Variants in FBLN2 observed in about 807,000 individuals in gnomAD.
FBLN2 encodes fibulin-2.
A neutral mutation model predicts 123.7 loss-of-function variants in FBLN2; 81 were observed. The ratio of observed to expected loss-of-function variants is 0.65; its 90% confidence interval spans 0.55 to 0.79. The LOEUF is 0.79. FBLN2 is among the 30% of genes least tolerant of loss of function. FBLN2 has a pLI of 0.00. For missense variants in FBLN2, 1,603 were observed against 1,681.3 expected, an observed-to-expected ratio of 0.95 and a Z score of 0.81; for synonymous variants, 699 against 701.4, an observed-to-expected ratio of 1.00 and a Z score of 0.05.
At chr3:13,596,726 C>T (rs1184910157) in intron 2 of FBLN2, among the ~76,000 whole-genome samples, 1 of 152,082 alleles carries the variant, frequency 6.6e-6, no homozygotes, top group Non-Finnish European at 1.5e-5. Context: ...ATCCCCACTC[C>T]CAGCCCTTGG....
chr3:13,611,705 C>T (rs998672233), intron 4 of FBLN2, among the ~76,000 whole-genome samples: 1 of 152,198 alleles, frequency 6.6e-6, no homozygotes, highest in Non-Finnish European at 1.5e-5. Flanking sequence ...GTTGCTTCCA[C>T]CTTTTGGCTA....
Position 13,564,714 on chromosome 3 carries a change from C to T in FBLN2, c.-41-5601C>T, listed in dbSNP as rs186412494. Among the ~76,000 whole-genome samples the T allele has an allele frequency of 6.6e-5, 10 of 152,316 alleles. No individual in the cohort carries two copies. The East Asian group carries it at 1.7e-3, about 26-fold the overall frequency. ...TGTGTGCTCACTAAGGTGGGACCCC[C>T]CCACCTTTCCACAGTGGCAGCACTG... On this transcript the variant is annotated intron_variant, in intron 1 of 17. Coordinates refer to ENST00000404922, the MANE Select transcript of FBLN2 (RefSeq NM_001004019.2).
intron 16 of FBLN2, among the ~76,000 whole-genome samples, chr3:13,635,765 G>A (rs1039192392): frequency 6.6e-6 from 1 of 152,156 alleles, no homozygotes; most frequent in Non-Finnish European, 1.5e-5. Flanking sequence ...TGGGCACTGG[G>A]GACAGCATGG....
intron 1 of FBLN2, among the ~76,000 whole-genome samples, chr3:13,561,496 C>A (rs1703605657): frequency 6.6e-6 from 1 of 152,248 alleles, no homozygotes; most frequent in South Asian, 2.1e-4. Flanking sequence ...TCCTTCCCTG[C>A]ATGCCGGCTG....
chr3:13,600,704 C>T (rs1284904587), intron 2 of FBLN2, among the ~76,000 whole-genome samples: 2 of 151,870 alleles, frequency 1.3e-5, no homozygotes, highest in African/African-American at 4.8e-5. Context: ...CAACCTCCGC[C>T]TCACGGGTTC....
chr3:13,592,288 T>C (rs2350311), intron 2 of FBLN2, among the ~76,000 whole-genome samples: 61,530 of 151,830 alleles, frequency 0.41, 15,260 homozygotes, highest in African/African-American at 0.7. Context: ...AGCCTCCCAA[T>C]GTGCTGAGAT....
intron 5 of FBLN2, among the ~76,000 whole-genome samples, chr3:13,616,371 C>T (rs935571427): frequency 1.1e-4 from 16 of 152,180 alleles, no homozygotes; most frequent in Non-Finnish European, 2.1e-4. Context: ...CATGCTTCCT[C>T]CTGTGAGGAA....
intron 1 of FBLN2, among the ~76,000 whole-genome samples, chr3:13,559,342 TG>T (rs1574942466): frequency 1.0e-5 from 1 of 100,408 alleles, no homozygotes; most frequent in East Asian, 3.9e-4. Context: ...ACTATGACCC[TG>T]TTTCTCTTTC....
At position 13,619,737 on chromosome 3, in the gene FBLN2, A is replaced by G. The variant is rs779115485; in HGVS notation, c.2061A>G (p.Gly687=). Residue 687 remains glycine (G), a synonymous_variant, in exon 8 of 18, where the codon GGA becomes GGG. Coordinates refer to ENST00000404922, the MANE Select transcript of FBLN2 (RefSeq NM_001004019.2). ...LPQPNTCKDN[G]PCKQVCSTVG... ...CTGTGTGGTTTCCTCCAGACAATGGACCCTGCAAGCAGGTGTGCAGCACTG... is the reference window on the plus strand; with the variant it reads ...CTGTGTGGTTTCCTCCAGACAATGGGCCCTGCAAGCAGGTGTGCAGCACTG... 22 of 1,613,302 alleles carry G rather than the reference A, an allele frequency of 1.4e-5. No individual in the cohort carries two copies. The Admixed American group carries it at 3.5e-4, about 26-fold the overall frequency.
intron 2 of FBLN2, among the ~76,000 whole-genome samples, chr3:13,586,837 TA>T (rs1704522777): frequency 7.1e-6 from 1 of 140,690 alleles, no homozygotes; most frequent in South Asian, 2.2e-4. Flanking sequence ...AAAAAAGATT[TA>T]AAAGTTAAAA....
chr3:13,561,701 C>G (rs1421413345), intron 1 of FBLN2, among the ~76,000 whole-genome samples: 1 of 152,242 alleles, frequency 6.6e-6, no homozygotes, highest in East Asian at 1.9e-4. Context: ...ACGCCCTTAT[C>G]TCTTCCCCCC....
chr3:13,552,032 T>G (rs1703337433), intron 1 of FBLN2, among the ~76,000 whole-genome samples: 1 of 152,026 alleles, frequency 6.6e-6, no homozygotes, highest in South Asian at 2.1e-4. Context: ...AGAGATGAGG[T>G]CTCACTTTGT....
chr3:13,631,509 T>C, intron 16 of FBLN2, 52 bp downstream of exon 16: 1 of 1,530,792 alleles, frequency 6.5e-7, no homozygotes, highest in Non-Finnish European at 8.8e-7. Flanking sequence ...TTGGGCAGGC[T>C]CCAAGCAGGC....
At position 13,571,193 on chromosome 3, in the gene FBLN2, G is replaced by A. The variant is rs1370596486; in HGVS notation, c.838G>A (p.Glu280Lys). ...ARRVTEDSEE[E>K]EEEEEEREEM... is the part of the protein sequence containing the mutation. ...GAGAGTGACCGAGGACAGTGAGGAG[G>A]AAGAAGAGGAGGAGGAGGAGAGAGA... Residue 280 changes from glutamate (E) to lysine (K), a missense_variant, in exon 2 of 18, where the codon GAA (glutamate) becomes AAA (lysine). Coordinates refer to ENST00000404922, the MANE Select transcript of FBLN2 (RefSeq NM_001004019.2). 1 of 1,569,630 alleles carries A rather than the reference G, an allele frequency of 6.4e-7. No individual in the cohort carries two copies.
intron 2 of FBLN2, among the ~76,000 whole-genome samples, chr3:13,605,748 G>A (rs112083012): frequency 2.2e-3 from 339 of 152,284 alleles, no homozygotes; most frequent in Non-Finnish European, 3.3e-3. Flanking sequence ...TTGATGTTGC[G>A]TGTGCTTAAC....
Position 13,630,011 on chromosome 3 carries a change from A to G in FBLN2, c.2968+66A>G, listed in dbSNP as rs891389595. ...CTGTAGTGGGCAGACCCGCCGTGGAAGGCCCAGAGCCTTCTGTGACCCTTC... is the reference window on the plus strand; with the variant it reads ...CTGTAGTGGGCAGACCCGCCGTGGAGGGCCCAGAGCCTTCTGTGACCCTTC... On this transcript the variant is annotated intron_variant, in intron 14 of 17. Coordinates refer to ENST00000404922, the MANE Select transcript of FBLN2 (RefSeq NM_001004019.2). 4 of 1,588,100 alleles carry G rather than the reference A, an allele frequency of 2.5e-6. No homozygotes were observed. The African/African-American group carries it at 5.4e-5, about 21-fold the overall frequency.
At chr3:13,569,018 C>T in intron 1 of FBLN2, 1 of 985,902 alleles carries the variant, frequency 1.0e-6, no homozygotes, top group Non-Finnish European at 1.2e-6. Flanking sequence ...GCGCTTTAGG[C>T]TGGGAGTCGG....
intron 2 of FBLN2, among the ~76,000 whole-genome samples, chr3:13,599,002 G>A (rs1244872829): frequency 6.6e-6 from 1 of 152,230 alleles, no homozygotes; most frequent in East Asian, 1.9e-4. Context: ...GTGTGCAAAG[G>A]CGTAGAACAA....
At position 13,570,359 on chromosome 3, in the gene FBLN2, G is replaced by A. The variant is rs768242699; in HGVS notation, c.4G>A (p.Val2Met). ...CCGTCCTGGGCTGGCCTGGACCATGGTGCTGCTCTGGGAGCCTGCAGGAGC... is the reference window on the plus strand; with the variant it reads ...CCGTCCTGGGCTGGCCTGGACCATGATGCTGCTCTGGGAGCCTGCAGGAGC... M[V>M]LLWEPAGAWL... is the part of the protein sequence containing the mutation. The change falls in exon 2 of 18, where the codon GTG (valine) becomes ATG (methionine). Residue 2 changes from valine (V) to methionine (M), a missense_variant. By Grantham distance (21) the Val-to-Met change is conservative (BLOSUM62 1). Coordinates refer to ENST00000404922, the MANE Select transcript of FBLN2 (RefSeq NM_001004019.2). 6.4e-7 allele frequency: 1 copy of A among 1,556,384 alleles called. No homozygotes were observed. Among genetic ancestry groups the A allele is most frequent in the South Asian group, 1.2e-5 (1 of 84,274 alleles).
Sources: allele counts gnomAD v4.1 joint callset (sites outside exome capture counted in the v4.1 genomes callset), GRCh38; gene constraint gnomAD v4.1.1; transcripts MANE v1.5; gene names NCBI Gene and HGNC (gene_info 2026-07-23, HGNC 2026-07-21).